CCDC169: variants seen among roughly 807,000 people sequenced by gnomAD.
CCDC169 encodes the protein coiled-coil domain-containing protein 169.
In CCDC169, 30 loss-of-function variants were observed where a neutral mutation model predicts 36.0. That is an observed-to-expected ratio of 0.83 (90% CI 0.62 to 1.13). CCDC169 has a LOEUF of 1.13. CCDC169 is among the 50% of genes most tolerant of loss of function. The probability of loss-of-function intolerance (pLI) is 0.00; values close to 1 mark genes in which losing one functional copy is unlikely to be tolerated. For missense variants in CCDC169, 245 were observed against 245.9 expected (o/e 1.00, Z 0.03); for synonymous variants, 85 against 81.5 (o/e 1.04, Z -0.23).
chr13:36,290,422 G>A (rs1012529070), intron 2 of CCDC169, among the ~76,000 whole-genome samples: 3 of 152,026 alleles, frequency 2.0e-5, no homozygotes, highest in Non-Finnish European at 4.4e-5. Flanking sequence ...TCAGAACTAG[G>A]CAGGGCTTAT....
At chr13:36,242,638 A>C (rs1871976902) in intron 7 of CCDC169, among the ~76,000 whole-genome samples, 2 of 152,126 alleles carry the variant, frequency 1.3e-5, no homozygotes, top group South Asian at 4.1e-4. Context: ...TTTAGTCATA[A>C]ATTCATTCAA....
At chr13:36,228,858 T>G (rs1870126660), downstream of CCDC169, among the ~76,000 whole-genome samples, 1 of 152,222 alleles carries the variant, frequency 6.6e-6, no homozygotes, top group Admixed American at 6.5e-5. Flanking sequence ...TAATTGCATT[T>G]TCTTTATGAC....
intron 7 of CCDC169, among the ~76,000 whole-genome samples, chr13:36,232,358 A>T (rs1870530136): frequency 6.6e-6 from 1 of 152,228 alleles, no homozygotes; most frequent in Non-Finnish European, 1.5e-5. Context: ...TTGACCTGAC[A>T]TGGAGATGGT....
At chr13:36,237,404 C>G (rs537511165) in intron 7 of CCDC169, among the ~76,000 whole-genome samples, 1 of 152,010 alleles carries the variant, frequency 6.6e-6, no homozygotes, top group Admixed American at 6.6e-5. Context: ...AAAAGATAAA[C>G]AAAATGGAAT....
At chr13:36,249,951 A>AATTCATTCATTC (rs6145002) in intron 6 of CCDC169, among the ~76,000 whole-genome samples, 1 of 151,500 alleles carries the variant, frequency 6.6e-6, no homozygotes. Flanking sequence ...CAGAAAATAG[A>AATTCATTCATTC]ATTCATTCAT....
At chr13:36,285,392 A>G (rs1566088805) in intron 2 of CCDC169, among the ~76,000 whole-genome samples, 2 of 152,076 alleles carry the variant, frequency 1.3e-5, no homozygotes, top group African/African-American at 2.4e-5. Context: ...CTACTAAAGA[A>G]TACAAAAATT....
intron 6 of CCDC169, among the ~76,000 whole-genome samples, chr13:36,250,468 A>C (rs765485009): frequency 6.6e-6 from 1 of 152,202 alleles, no homozygotes; most frequent in Non-Finnish European, 1.5e-5. Flanking sequence ...GAGAAGAAAA[A>C]TGGGTGTGGC....
At chr13:36,270,288 GAA>G (rs1468606970) in intron 4 of CCDC169, among the ~76,000 whole-genome samples, 2 of 151,958 alleles carry the variant, frequency 1.3e-5, no homozygotes, top group African/African-American at 4.8e-5. Context: ...CACAAAAAAG[GAA>G]ACAACATCCC....
chr13:36,237,558 G>A (rs184598264), intron 7 of CCDC169, among the ~76,000 whole-genome samples: 3 of 152,162 alleles, frequency 2.0e-5, no homozygotes, highest in Non-Finnish European at 2.9e-5. Context: ...CTGATGATTC[G>A]GTAAATAAAA....
At chr13:36,286,664 C>G (rs1698397547) in intron 2 of CCDC169, among the ~76,000 whole-genome samples, 1 of 152,100 alleles carries the variant, frequency 6.6e-6, no homozygotes, top group Non-Finnish European at 1.5e-5. Context: ...CTGATTATCT[C>G]AGAAGCCATC....
At chr13:36,251,929 C>T (rs1387460337) in intron 6 of CCDC169, among the ~76,000 whole-genome samples, 9 of 152,284 alleles carry the variant, frequency 5.9e-5, no homozygotes, top group Non-Finnish European at 8.8e-5. Flanking sequence ...ACCAGCACTT[C>T]GCACATATTA....
chr13:36,225,251 C>T (rs1869811317), downstream of CCDC169: 1 of 151,838 alleles, frequency 6.6e-6, no homozygotes, highest in African/African-American at 2.4e-5. Flanking sequence ...GTTGCCTAGC[C>T]TTAAGTGTAG....
Position 36,231,120 on chromosome 13 carries a change from C to G in CCDC169, c.*73G>C. 1 of 1,502,642 alleles carries G rather than the reference C, an allele frequency of 6.7e-7. No homozygotes were observed. The allele number at this position is 1,502,642 out of a possible 1,614,324, so 93.1% of individuals were successfully genotyped here. A position where few individuals can be genotyped will look rare whatever the true frequency, so the allele number is the denominator to read the frequency against. ...TTTATTCCCTGAAGAAATGTGCTGA[C>G]CATTAACTTTATAACTTGAATATTA... On this transcript the variant is annotated 3_prime_UTR_variant, in exon 8 of 8. Transcript: ENST00000239859.
At chr13:36,265,888 A>G (rs925564419) in intron 4 of CCDC169, among the ~76,000 whole-genome samples, 2 of 152,202 alleles carry the variant, frequency 1.3e-5, no homozygotes, top group African/African-American at 4.8e-5. Flanking sequence ...GAATTTGGTC[A>G]TAGATTTCCA....
In CCDC169 at chr13:36,282,298, AT is replaced by A. The variant is rs1594078948; in HGVS notation, c.315+1170del. The A allele has an allele frequency of 7.8e-6, 7 of 901,900 alleles. No homozygotes were observed. The East Asian group carries it at 8.3e-4, about 108-fold the overall frequency. The allele number at this position is 901,900 out of a possible 1,614,324, so 55.9% of individuals were successfully genotyped here. A position where few individuals can be genotyped will look rare whatever the true frequency, so the allele number is the denominator to read the frequency against. On this transcript the variant is annotated intron_variant, in intron 4 of 7. Coordinates refer to ENST00000239859, the MANE Select transcript of CCDC169 (RefSeq NM_001144981.3). ...GCCAAAAATATGTCTGCATTACACAATTATATGTCTGAATTTCACAAATATT... is the reference window on the plus strand; with the variant it reads ...GCCAAAAATATGTCTGCATTACACAATATATGTCTGAATTTCACAAATATT...
At chr13:36,237,861 A>G (rs1871277432) in intron 7 of CCDC169, among the ~76,000 whole-genome samples, 1 of 152,186 alleles carries the variant, frequency 6.6e-6, no homozygotes, top group Non-Finnish European at 1.5e-5. Flanking sequence ...CAATTGTCAG[A>G]GTGTTCCCTA....
In CCDC169 at chr13:36,295,828, A is replaced by G. The variant is rs1328553004; in HGVS notation, c.113T>C (p.Leu38Pro). 2.7e-5 allele frequency: 41 copies of G among 1,543,868 alleles called. 1 individual carries two copies. The highest frequency in any genetic ancestry group is 2.8e-5 in the Non-Finnish European group (32 of 1,141,308). Residue 38 changes from leucine (L) to proline (P), a missense_variant, in exon 2 of 8, where the codon CTA becomes CCA. By Grantham distance (98) the Leu-to-Pro change is moderately conservative. Coordinates refer to ENST00000239859, the MANE Select transcript of CCDC169 (RefSeq NM_001144981.3). ...KDAVQLSIFE[L>P]RHKITELEAK... ...TTCCAGTTCCGTAATCTTGTGTCTT[A>G]GTTCAAATATTGAGAGTTGCACTGC... is the stretch of plus-strand genomic sequence containing the variant.
intron 4 of CCDC169, chr13:36,283,210 C>T: frequency 2.2e-6 from 1 of 459,200 alleles, no homozygotes; most frequent in Non-Finnish European, 3.8e-6. Flanking sequence ...CTATATCTTT[C>T]TCTGAAGGTT....
At position 36,253,859 on chromosome 13, in the gene CCDC169, G is replaced by A; in HGVS notation, c.415-3C>T. ...TCATTGTTGATCTTCTGGTAAGCCT[G>A]TGTGAAGATACAAAAGCAAAGGGTC... On this transcript the variant is annotated splice_polypyrimidine_tract_variant and splice_region_variant and intron_variant, in intron 5 of 7. Transcript: ENST00000239859. The A allele has an allele frequency of 8.4e-6, 13 of 1,550,966 alleles. No homozygotes were observed. The highest frequency in any genetic ancestry group is 1.2e-5 in the South Asian group (1 of 83,770).
Sources: allele counts gnomAD v4.1 joint callset (sites outside exome capture counted in the v4.1 genomes callset), GRCh38; gene constraint gnomAD v4.1.1; transcripts MANE v1.5; gene names NCBI Gene and HGNC (gene_info 2026-07-23, HGNC 2026-07-21).